The following MAPKAP1 variants were observed in gnomAD, a reference collection of about 807,000 sequenced individuals.
The protein encoded by MAPKAP1 is MAPK associated protein 1, also known as target of rapamycin complex 2 subunit MAPKAP1.
MAPKAP1 carries 20 observed loss-of-function variants against 65.7 expected under a neutral mutation model. The observed-to-expected ratio is 0.30, with a 90% CI of 0.21 to 0.44. MAPKAP1 has a LOEUF of 0.44. Ranked by LOEUF, MAPKAP1 falls within the 20% of genes least tolerant of loss-of-function variation. The pLI, the probability that MAPKAP1 is intolerant of heterozygous loss-of-function variation, is 1.00. For missense variants in MAPKAP1, 423 were observed against 648.0 expected, an observed-to-expected ratio of 0.65 and a Z score of 3.77; for synonymous variants, 222 against 244.3, an observed-to-expected ratio of 0.91 and a Z score of 0.85.
At chr9:125,441,073 T>C (rs1261226904) in intron 11 of MAPKAP1, among the ~76,000 whole-genome samples, 1 of 152,242 alleles carries the variant, frequency 6.6e-6, no homozygotes, top group African/African-American at 2.4e-5. Context: ...AGCTGGTTAA[T>C]ATGCTGTGGC....
intron 10 of MAPKAP1, among the ~76,000 whole-genome samples, chr9:125,450,844 T>A (rs1459975670): frequency 1.3e-5 from 2 of 152,126 alleles, no homozygotes; most frequent in African/African-American, 4.8e-5. Context: ...ACTGGGGTTC[T>A]TTGGTCTCTG....
chr9:125,693,414 CAAA>C lies in MAPKAP1; in HGVS notation c.-70+13554_-70+13556del, dbSNP rs140359169. ...AAGTAACAAGAGCGAAATTCCGCCTCAAAAAAAAAAAAATATATATATATATAT... is the reference window on the plus strand; with the variant it reads ...AAGTAACAAGAGCGAAATTCCGCCTCAAAAAAAAAATATATATATATATAT... On this transcript the variant is annotated intron_variant, in intron 1 of 11. Coordinates refer to ENST00000265960, the MANE Select transcript of MAPKAP1 (RefSeq NM_001006617.3). 2.9e-3 allele frequency among the ~76,000 whole-genome samples: 341 copies of C among 118,590 alleles called. 3 individuals are homozygous for C. Among genetic ancestry groups the C allele is most frequent in the African/African-American group, 0.012 (312 of 25,516 alleles). 77.8% of individuals were successfully genotyped at this position (118,590 alleles called of 152,430 possible).
intron 6 of MAPKAP1, among the ~76,000 whole-genome samples, chr9:125,558,702 AGCTTAG>A (rs1830809137): frequency 1.3e-5 from 2 of 152,206 alleles, no homozygotes; most frequent in African/African-American, 4.8e-5. Flanking sequence ...GTTGAAAAAA[AGCTTAG>A]GTTTGAGAGT....
At position 125,693,846 on chromosome 9, in the gene MAPKAP1, T is replaced by TACACACACAC. The variant is rs1554844769; in HGVS notation, c.-70+13115_-70+13124dup. 5.8e-4 allele frequency among the ~76,000 whole-genome samples: 79 copies of TACACACACAC among 135,544 alleles called. 2 individuals carry two copies. The highest frequency in any genetic ancestry group is 1.9e-3 in the African/African-American group (70 of 36,664). The allele number at this position is 135,544 out of a possible 152,430, so 88.9% of individuals were successfully genotyped here. ...ACACACACACATATATATACACACATACACACACACACACACACACACACA... is the reference window on the plus strand; with the variant it reads ...ACACACACACATATATATACACACATACACACACACACACACACACACACACACACACACA... On this transcript the variant is annotated intron_variant, in intron 1 of 11. Transcript: ENST00000265960.
At chr9:125,578,295 GAAGGCCGCAGGGT>G (rs1218445544) in intron 5 of MAPKAP1, among the ~76,000 whole-genome samples, 58 of 152,064 alleles carry the variant, frequency 3.8e-4, no homozygotes, top group African/African-American at 1.4e-3. Flanking sequence ...AAACACTGCG[GAAGGCCGCAGGGT>G]CCTCTGCCTA....
chr9:125,677,725 C>T (rs1303612996), intron 1 of MAPKAP1, among the ~76,000 whole-genome samples: 1 of 151,914 alleles, frequency 6.6e-6, no homozygotes, highest in Admixed American at 6.6e-5. Context: ...ATAAGATAGA[C>T]CTTTTTACAT....
chr9:125,589,387 A>T (rs1466043985), intron 4 of MAPKAP1, among the ~76,000 whole-genome samples: 1 of 152,230 alleles, frequency 6.6e-6, no homozygotes, highest in Non-Finnish European at 1.5e-5. Flanking sequence ...TGTTCCATAC[A>T]TAATGCCTGG....
intron 10 of MAPKAP1, among the ~76,000 whole-genome samples, chr9:125,450,360 C>CA (rs1386748632): frequency 5.9e-5 from 9 of 152,214 alleles, no homozygotes; most frequent in African/African-American, 1.9e-4. Flanking sequence ...AACACTAGCA[C>CA]AATGCCATTC....
rs538329375 is a variant in MAPKAP1 at position 125,480,237 on chromosome 9, C to T, written c.1207+4206G>A. On this transcript the variant is annotated intron_variant, in intron 9 of 11. Transcript: ENST00000265960. ...TATTTATTCAGTGCATGATATAATA[C>T]TCATGGGCAGTCTGTCTGATTGTCA... is the stretch of plus-strand genomic sequence containing the variant. 2.6e-5 allele frequency among the ~76,000 whole-genome samples: 4 copies of T among 152,270 alleles called. No homozygotes were observed. In the South Asian group the frequency reaches 8.3e-4, roughly 32 times the overall value.
intron 7 of MAPKAP1, among the ~76,000 whole-genome samples, chr9:125,524,027 G>A (rs553207874): frequency 2.0e-5 from 3 of 152,354 alleles, no homozygotes; most frequent in Admixed American, 6.5e-5. Flanking sequence ...ACAAGCCTTG[G>A]TGAGTACTTA....
chr9:125,587,438 C>A (rs746070550), intron 4 of MAPKAP1, among the ~76,000 whole-genome samples: 1 of 152,050 alleles, frequency 6.6e-6, no homozygotes, highest in African/African-American at 2.4e-5. Flanking sequence ...TGATGGCAGG[C>A]GCCTGTATTG....
At chr9:125,501,047 T>A (rs1828963788) in intron 8 of MAPKAP1, among the ~76,000 whole-genome samples, 1 of 152,200 alleles carries the variant, frequency 6.6e-6, no homozygotes, top group African/African-American at 2.4e-5. Context: ...ATTTCAAATG[T>A]CACAAGGATT....
At chr9:125,630,425 C>A (rs569901957) in intron 4 of MAPKAP1, among the ~76,000 whole-genome samples, 3 of 152,186 alleles carry the variant, frequency 2.0e-5, no homozygotes, top group Non-Finnish European at 4.4e-5. Context: ...AGCCACCATG[C>A]CCAGCCTCCA....
chr9:125,444,779 A>C (rs1005897294), intron 10 of MAPKAP1, among the ~76,000 whole-genome samples, 181 bp from the exon 11 acceptor site: 1 of 152,106 alleles, frequency 6.6e-6, no homozygotes, highest in African/African-American at 2.4e-5. Flanking sequence ...ACAATGAAAA[A>C]ATTTTAAAGA....
chr9:125,702,789 T>C (rs984688918), intron 1 of MAPKAP1, among the ~76,000 whole-genome samples: 6 of 151,578 alleles, frequency 4.0e-5, no homozygotes, highest in Admixed American at 1.3e-4. Context: ...GAGGCGGACA[T>C]TGCAGTGAGC....
intron 9 of MAPKAP1, among the ~76,000 whole-genome samples, chr9:125,469,001 C>T (rs1041950175): frequency 1.8e-4 from 28 of 152,058 alleles, no homozygotes; most frequent in Admixed American, 1.5e-3. Context: ...ATGCTCAGCC[C>T]GCCACACACC....
At chr9:125,512,537 T>C (rs1468085854) in intron 7 of MAPKAP1, among the ~76,000 whole-genome samples, 1 of 151,988 alleles carries the variant, frequency 6.6e-6, no homozygotes, top group Non-Finnish European at 1.5e-5. Flanking sequence ...AATCTTTATG[T>C]TTCTTTTCCT....
chr9:125,695,624 T>C (rs1339758230), intron 1 of MAPKAP1, among the ~76,000 whole-genome samples: 1 of 152,208 alleles, frequency 6.6e-6, no homozygotes, highest in African/African-American at 2.4e-5. Flanking sequence ...AGAGAATCAG[T>C]ATGCACATTT....
intron 4 of MAPKAP1, among the ~76,000 whole-genome samples, chr9:125,637,620 C>T (rs532065053): frequency 1.3e-5 from 2 of 152,322 alleles, no homozygotes; most frequent in Admixed American, 6.5e-5. Flanking sequence ...TTTTCACCTA[C>T]AGGCCAGTTC....
Sources: gnomAD v4.1 joint callset for allele counts (sites outside exome capture counted in the v4.1 genomes callset) on GRCh38, gnomAD v4.1.1 for gene constraint, MANE v1.5 for transcripts, NCBI Gene and HGNC (gene_info 2026-07-23, HGNC 2026-07-21) for gene names.